Variants in FBXO4 observed in about 807,000 individuals in gnomAD.
The protein encoded by FBXO4 is F-box protein 4.
FBXO4 carries 36 observed loss-of-function variants against 43.7 expected under a neutral mutation model. The ratio of observed to expected loss-of-function variants is 0.82; its 90% CI spans 0.63 to 1.09. The LOEUF (loss-of-function observed/expected upper bound fraction) is 1.09, where lower values mean the gene tolerates loss of function less well. FBXO4 is among the 50% of genes least tolerant of loss of function. The pLI, the probability that FBXO4 is intolerant of heterozygous loss-of-function variation, is 0.00. For synonymous variants in FBXO4, 180 were observed against 165.6 expected (o/e 1.09, Z -0.67); for missense variants, 435 against 474.1 (o/e 0.92, Z 0.77).
chr5:41,939,627 TTATACTC>T lies in FBXO4; in HGVS notation c.1074+14_1074+20del. 6.3e-7 allele frequency: 1 copy of T among 1,589,812 alleles called. No homozygotes were observed. Among genetic ancestry groups the T allele is most frequent in the Non-Finnish European group, 8.6e-7 (1 of 1,168,076 alleles). On this transcript the variant is annotated intron_variant, in intron 6 of 6. Transcript: ENST00000281623. Reference sequence around the variant, plus strand: ...AATCACCCATGGCTGGTAAGATCATTTATACTCTAGTGACAAAAATTTTATTTTGCAC... The same window carrying T: ...AATCACCCATGGCTGGTAAGATCATTTAGTGACAAAAATTTTATTTTGCAC...
the FBXO4 span, among the ~76,000 whole-genome samples, chr5:41,984,354 T>C: frequency 1.3e-5 from 2 of 152,166 alleles, no homozygotes; most frequent in Non-Finnish European, 2.9e-5. Context: ...ATAATTCACC[T>C]CCACTTCTTT....
At chr5:41,936,577 G>T (rs902556713) in intron 5 of FBXO4, among the ~76,000 whole-genome samples, 1 of 152,036 alleles carries the variant, frequency 6.6e-6, no homozygotes, top group Non-Finnish European at 1.5e-5. Flanking sequence ...TAGTGGAAAA[G>T]GTGGACAATA....
At chr5:42,027,320 A>T in the FBXO4 span, among the ~76,000 whole-genome samples, 2 of 122,994 alleles carry the variant, frequency 1.6e-5, no homozygotes, top group Admixed American at 1.6e-4. Flanking sequence ...TAGATTTCCC[A>T]ATTAACTATG....
At chr5:41,937,095 G>T (rs1751871044) in intron 5 of FBXO4, among the ~76,000 whole-genome samples, 1 of 152,000 alleles carries the variant, frequency 6.6e-6, no homozygotes, top group Non-Finnish European at 1.5e-5. Context: ...GAGAGAAAAG[G>T]GGAAAAGGAA....
At chr5:41,962,482 A>G in the FBXO4 span, among the ~76,000 whole-genome samples, 2 of 152,092 alleles carry the variant, frequency 1.3e-5, no homozygotes, top group African/African-American at 4.8e-5. Context: ...ATCTCAGAGG[A>G]GAGTTTATCT....
chr5:42,015,263 T>G, the FBXO4 span, among the ~76,000 whole-genome samples: 1 of 152,220 alleles, frequency 6.6e-6, no homozygotes, highest in African/African-American at 2.4e-5. Flanking sequence ...GGCATACTGT[T>G]GAGATTTTGT....
the FBXO4 span, among the ~76,000 whole-genome samples, chr5:41,980,041 C>T: frequency 2.6e-5 from 4 of 152,150 alleles, no homozygotes; most frequent in East Asian, 7.7e-4. Flanking sequence ...GTCAGTCTGT[C>T]CTAACCTGGG....
At chr5:42,004,275 T>C in the FBXO4 span, among the ~76,000 whole-genome samples, 1 of 152,198 alleles carries the variant, frequency 6.6e-6, no homozygotes, top group African/African-American at 2.4e-5. Flanking sequence ...AGAATTATAT[T>C]GTAATATCTT....
chr5:41,968,322 G>A, the FBXO4 span: 8 of 155,810 alleles, frequency 5.1e-5, no homozygotes, highest in Non-Finnish European at 1.0e-4. Flanking sequence ...GAGCGGGCTG[G>A]ATCAGCCGGC....
chr5:42,013,174 C>T, the FBXO4 span, among the ~76,000 whole-genome samples: 6 of 151,940 alleles, frequency 3.9e-5, no homozygotes, highest in African/African-American at 9.7e-5. Context: ...CATGGTGGTG[C>T]GCACCTGTGG....
Position 41,941,282 on chromosome 5 carries a change from T to A in FBXO4, c.*1T>A. ...AGTGGAATCTAAGCGTGCAAGATGA[T>A]TCTCTTTTCAGATCTTGGGAACTGA... On this transcript the variant is annotated 3_prime_UTR_variant, in exon 7 of 7. Transcript: ENST00000281623. 6.2e-7 allele frequency: 1 copy of A among 1,612,424 alleles called. No individual in the cohort carries two copies. The highest frequency in any genetic ancestry group is 8.5e-7 in the Non-Finnish European group (1 of 1,178,570).
the FBXO4 span, among the ~76,000 whole-genome samples, chr5:42,031,355 A>C: frequency 6.6e-6 from 1 of 151,864 alleles, no homozygotes; most frequent in Admixed American, 6.6e-5. Flanking sequence ...AACTATCACA[A>C]GGACAAAAAA....
chr5:41,943,525 C>G (rs1473648894), downstream of FBXO4, among the ~76,000 whole-genome samples: 1 of 152,038 alleles, frequency 6.6e-6, no homozygotes, highest in Non-Finnish European at 1.5e-5. Flanking sequence ...GTGGGAAGGC[C>G]TCAACTTCAG....
chr5:41,991,014 A>G, the FBXO4 span, among the ~76,000 whole-genome samples: 1 of 152,176 alleles, frequency 6.6e-6, no homozygotes, highest in Admixed American at 6.5e-5. Flanking sequence ...AGTCTAGATG[A>G]ATTAAATATG....
chr5:42,028,912 AGTT>A, the FBXO4 span, among the ~76,000 whole-genome samples: 28 of 151,710 alleles, frequency 1.8e-4, no homozygotes, highest in African/African-American at 6.8e-4. Context: ...TGTCTTGAAA[AGTT>A]GTTGTAGTCA....
chr5:42,008,046 T>G, the FBXO4 span, among the ~76,000 whole-genome samples: 4 of 152,062 alleles, frequency 2.6e-5, no homozygotes, highest in Admixed American at 2.6e-4. Context: ...TGAAGATGAC[T>G]CTCATTAAAA....
the FBXO4 span, among the ~76,000 whole-genome samples, chr5:42,024,689 C>T: frequency 6.6e-6 from 1 of 152,000 alleles, no homozygotes; most frequent in Non-Finnish European, 1.5e-5. Flanking sequence ...ATCTCTGCCT[C>T]TCCACCACCC....
chr5:42,014,249 G>C, the FBXO4 span, among the ~76,000 whole-genome samples: 3,883 of 152,092 alleles, frequency 0.026, 179 homozygotes, highest in African/African-American at 0.087. Flanking sequence ...TTAAACATCC[G>C]CTACCCCCAT....
chr5:42,016,577 A>C, the FBXO4 span, among the ~76,000 whole-genome samples: 1 of 151,934 alleles, frequency 6.6e-6, no homozygotes, highest in African/African-American at 2.4e-5. Flanking sequence ...TAAATAAACA[A>C]TTTTTTTATT....
Sources: gnomAD v4.1 joint callset for allele counts (sites outside exome capture counted in the v4.1 genomes callset) on GRCh38, gnomAD v4.1.1 for gene constraint, MANE v1.5 for transcripts, NCBI Gene and HGNC (gene_info 2026-07-23, HGNC 2026-07-21) for gene names.